The following CHD2 variants were observed in gnomAD, a reference collection of about 807,000 sequenced individuals.
CHD2 encodes ATP-dependent chromatin remodeler CHD2.
A neutral mutation model predicts 243.9 loss-of-function variants in CHD2; 28 were observed. That is an observed-to-expected ratio of 0.11 (90% CI 0.09 to 0.16). CHD2 has a LOEUF of 0.16. Ranked by LOEUF, CHD2 falls within the 10% of genes least tolerant of loss-of-function variation. The probability of loss-of-function intolerance (pLI) is 1.00; values close to 1 mark genes in which losing one functional copy is unlikely to be tolerated. For missense variants in CHD2, 1,386 were observed against 2,209.8 expected, an observed-to-expected ratio of 0.63 and a Z score of 7.47; for synonymous variants, 775 against 779.0, an observed-to-expected ratio of 0.99 and a Z score of 0.09.
chr15:92,999,430 G>T (rs201060034), intron 31 of CHD2, among the ~76,000 whole-genome samples: 1 of 152,114 alleles, frequency 6.6e-6, no homozygotes, highest in East Asian at 1.9e-4. Flanking sequence ...AATTCTCAGT[G>T]AACTCAGCTG....
chr15:92,906,164 ATGTT>A (rs1400414302), intron 2 of CHD2, among the ~76,000 whole-genome samples: 1 of 152,090 alleles, frequency 6.6e-6, no homozygotes, highest in Non-Finnish European at 1.5e-5. Flanking sequence ...GTTCTTAGGT[ATGTT>A]TGTTGAGCCT....
At chr15:93,017,511 T>G (rs2054478902) in intron 37 of CHD2, among the ~76,000 whole-genome samples, 6 of 136,780 alleles carry the variant, frequency 4.4e-5, no homozygotes, top group Admixed American at 1.5e-4. Context: ...TTTTTTTTTT[T>G]TTTTTTTTGT....
In CHD2 at chr15:92,953,450, G is replaced by A. The variant is rs996584370; in HGVS notation, c.1596G>A (p.Leu532=). The part of the protein sequence containing the change: ...FLSYLFHQHQ[L]YGPFLIVVPL... ...CCTACCTGTTCCACCAACACCAGCT[G>A]TATGGCCCCTTTCTTATAGTCGTCC... is the stretch of plus-strand genomic sequence containing the variant. Residue 532 remains leucine, a synonymous_variant, in exon 14 of 39, where the codon CTG becomes CTA. Transcript: ENST00000394196. The A allele has an allele frequency of 2.9e-5, 47 of 1,614,038 alleles. No homozygotes were observed. Among genetic ancestry groups the A allele is most frequent in the Non-Finnish European group, 3.6e-5 (43 of 1,180,040 alleles).
chr15:92,961,876 C>CTTTT (rs3064790), intron 16 of CHD2, among the ~76,000 whole-genome samples: 2,184 of 78,090 alleles, frequency 0.028, 97 homozygotes, highest in South Asian at 0.044. Context: ...TTTTTCTTCT[C>CTTTT]TTTTTTTTTT....
At chr15:92,968,688 T>TA (rs1173572867) in intron 17 of CHD2, among the ~76,000 whole-genome samples, 1 of 152,250 alleles carries the variant, frequency 6.6e-6, no homozygotes, top group Non-Finnish European at 1.5e-5. Context: ...AGATTCTTTT[T>TA]TACTTTTGCC....
At chr15:92,919,417 G>A (rs1038517781) in intron 2 of CHD2, among the ~76,000 whole-genome samples, 7 of 151,324 alleles carry the variant, frequency 4.6e-5, no homozygotes, top group Non-Finnish European at 1.0e-4. Flanking sequence ...TTTGGAGACG[G>A]AGTCTTGCTT....
In CHD2 at chr15:92,984,758, G is replaced by C. The variant is rs11631553; in HGVS notation, c.3237+258G>C. Reference sequence around the variant, plus strand: ...TAAACAGGGTCTGAAATTTCCAGAAGTTTGCATTTTGCCTTTGAGTAGTCC... The same window carrying C: ...TAAACAGGGTCTGAAATTTCCAGAACTTTGCATTTTGCCTTTGAGTAGTCC... On this transcript the variant is annotated intron_variant, in intron 25 of 38. Coordinates refer to ENST00000394196, the MANE Select transcript of CHD2 (RefSeq NM_001271.4). 0.22 allele frequency among the ~76,000 whole-genome samples: 33,437 copies of C among 152,140 alleles called. 4,118 individuals are homozygous for C. The highest frequency in any genetic ancestry group is 0.31 in the Middle Eastern group (90 of 292).
At chr15:93,005,315 G>A (rs181603452) in intron 34 of CHD2, among the ~76,000 whole-genome samples, 1 of 152,254 alleles carries the variant, frequency 6.6e-6, no homozygotes, top group Non-Finnish European at 1.5e-5. Context: ...AGAATAAAAG[G>A]TAACAGGAGA....
intron 9 of CHD2, chr15:92,943,372 G>A (rs2053412817): frequency 6.2e-6 from 2 of 325,148 alleles, no homozygotes; most frequent in Non-Finnish European, 1.2e-5. Context: ...GGGAGAATAC[G>A]GCACACAGCA....
chr15:92,905,720 T>C (rs2052608867), intron 2 of CHD2, among the ~76,000 whole-genome samples: 1 of 152,244 alleles, frequency 6.6e-6, no homozygotes, highest in African/African-American at 2.4e-5. Flanking sequence ...AATTGCTTTT[T>C]CTGTTACAGA....
rs187021084 is a variant in CHD2 at position 92,935,636 on chromosome 15, A to C, written c.444-1882A>C. 4.6e-5 allele frequency among the ~76,000 whole-genome samples: 7 copies of C among 152,304 alleles called. No individual in the cohort carries two copies. The East Asian group carries it at 1.4e-3, about 29-fold the overall frequency. On this transcript the variant is annotated intron_variant, in intron 5 of 38. Coordinates refer to ENST00000394196, the MANE Select transcript of CHD2 (RefSeq NM_001271.4). ...ACTGTGTAAGCCCCCTCTGAGGGGT[A>C]AACTGTTGTGGACTTGGTCTGAGGG...
At chr15:92,910,082 C>G (rs528516888) in intron 2 of CHD2, among the ~76,000 whole-genome samples, 1 of 151,868 alleles carries the variant, frequency 6.6e-6, no homozygotes, top group Non-Finnish European at 1.5e-5. Context: ...TTTCGGTTCA[C>G]TGCAACCTCC....
chr15:93,018,322 G>A (rs1348641034), intron 37 of CHD2, among the ~76,000 whole-genome samples: 1 of 152,178 alleles, frequency 6.6e-6, no homozygotes, highest in East Asian at 1.9e-4. Flanking sequence ...AGCCACTGGT[G>A]GACTGTACAT....
chr15:92,918,730 T>C (rs2052890021), intron 2 of CHD2, among the ~76,000 whole-genome samples: 1 of 151,780 alleles, frequency 6.6e-6, no homozygotes, highest in Admixed American at 6.6e-5. Context: ...CATAGTCTTT[T>C]AGGAAATGTC....
chr15:92,994,072 A>G (rs2054157180), intron 28 of CHD2, among the ~76,000 whole-genome samples: 2 of 152,194 alleles, frequency 1.3e-5, no homozygotes, highest in South Asian at 2.1e-4. Context: ...TTTTTTGGGG[A>G]CAGCCTTTAC....
chr15:92,928,469 C>T (rs752537205), intron 4 of CHD2, among the ~76,000 whole-genome samples: 4 of 149,828 alleles, frequency 2.7e-5, no homozygotes, highest in African/African-American at 7.3e-5. Context: ...GTTAGCAGAG[C>T]ACTGTTGGCT....
chr15:92,901,370 C>T (rs2052526879), intron 2 of CHD2, 71 bp downstream of exon 2: 3 of 876,180 alleles, frequency 3.4e-6, no homozygotes, highest in Non-Finnish European at 3.7e-6. Context: ...CAATTGTTTA[C>T]CTTGACAGAC....
chr15:92,919,084 G>T (rs1425044745), intron 2 of CHD2, among the ~76,000 whole-genome samples: 1 of 151,800 alleles, frequency 6.6e-6, no homozygotes, highest in African/African-American at 2.4e-5. Context: ...TTGAACTCCT[G>T]ACCTCAGGTG....
At chr15:92,940,125 T>A (rs774303267) in intron 7 of CHD2, among the ~76,000 whole-genome samples, 7 of 152,232 alleles carry the variant, frequency 4.6e-5, no homozygotes, top group Non-Finnish European at 8.8e-5. Flanking sequence ...TTTTATCAAG[T>A]ACTAATAGGA....
Sources: allele counts gnomAD v4.1 joint callset (sites outside exome capture counted in the v4.1 genomes callset), GRCh38; gene constraint gnomAD v4.1.1; transcripts MANE v1.5; gene names NCBI Gene and HGNC (gene_info 2026-07-23, HGNC 2026-07-21).